The following EXD3 variants were observed in gnomAD, a reference collection of about 807,000 sequenced individuals.
EXD3 encodes the protein exonuclease mut-7 homolog.
Under a neutral mutation model 98.0 loss-of-function variants are expected in EXD3, and 92 were observed. The observed-to-expected ratio is 0.94, with a 90% CI of 0.79 to 1.12. EXD3 has a LOEUF of 1.12. Ranked by LOEUF, EXD3 falls within the 50% of genes most tolerant of loss-of-function variation. The pLI, the probability that EXD3 is intolerant of heterozygous loss-of-function variation, is 0.00. For synonymous variants in EXD3, 569 were observed against 526.0 expected (o/e 1.08, Z -1.12); for missense variants, 1,222 against 1,191.6 (o/e 1.03, Z -0.38).
At chr9:137,387,010 T>C (rs1836632242) in intron 2 of EXD3, among the ~76,000 whole-genome samples, 2 of 137,078 alleles carry the variant, frequency 1.5e-5, no homozygotes, top group South Asian at 5.0e-4. Context: ...GCTCCCTGCC[T>C]GGCCCCCTCA....
chr9:137,330,534 TACAGGAGCTAC>T (rs1351727685), intron 17 of EXD3, among the ~76,000 whole-genome samples: 100 of 89,892 alleles, frequency 1.1e-3, no homozygotes, highest in South Asian at 7.5e-3. Context: ...ACAGGAGCTA[TACAGGAGCTAC>T]ACAGGAGCTA....
intron 1 of EXD3, among the ~76,000 whole-genome samples, chr9:137,396,179 G>T (rs1837209385): frequency 6.6e-6 from 1 of 151,992 alleles, no homozygotes. Flanking sequence ...TGTTGGTCAG[G>T]CTGGTATCGA....
chr9:137,419,021 T>C (rs1485490914), intron 1 of EXD3, among the ~76,000 whole-genome samples: 2 of 152,106 alleles, frequency 1.3e-5, no homozygotes, highest in Non-Finnish European at 2.9e-5. Context: ...ACATTAAGGG[T>C]TTTTTTCACC....
chr9:137,417,103 G>A (rs1342729071), intron 1 of EXD3, among the ~76,000 whole-genome samples: 1 of 152,218 alleles, frequency 6.6e-6, no homozygotes, highest in African/African-American at 2.4e-5. Context: ...CCGAGCTCCC[G>A]GGCAAAGCCG....
intron 1 of EXD3, among the ~76,000 whole-genome samples, chr9:137,410,722 G>A (rs988670998): frequency 3.3e-5 from 5 of 152,138 alleles, no homozygotes; most frequent in South Asian, 2.1e-4. Flanking sequence ...CCCTGGGGGC[G>A]GCCTGGCATG....
chr9:137,328,597 C>T lies in EXD3; in HGVS notation c.1999-4454G>A, dbSNP rs149920656. 8.4e-4 allele frequency among the ~76,000 whole-genome samples: 45 copies of T among 53,278 alleles called. 1 individual carries two copies. The highest frequency in any genetic ancestry group is 1.2e-3 in the Non-Finnish European group (33 of 27,214). 35.0% of individuals were successfully genotyped at this position (53,278 alleles called of 152,430 possible). A position where few individuals can be genotyped will look rare whatever the true frequency, so the allele number is the denominator to read the frequency against. On this transcript the variant is annotated intron_variant, in intron 17 of 21. Coordinates refer to ENST00000340951, the MANE Select transcript of EXD3 (RefSeq NM_017820.5). ...TACACAGGAGCTACACGGGACTACACGGGACTACACGGGGCTACACGGGAC... is the reference window on the plus strand; with the variant it reads ...TACACAGGAGCTACACGGGACTACATGGGACTACACGGGGCTACACGGGAC...
intron 2 of EXD3, among the ~76,000 whole-genome samples, chr9:137,387,557 C>T (rs749666160): frequency 3.9e-5 from 6 of 152,324 alleles, no homozygotes; most frequent in Admixed American, 6.5e-5. Context: ...AGAAGACAAG[C>T]GAGCTCTGTG....
chr9:137,327,587 A>G lies in EXD3; in HGVS notation c.1999-3444T>C, dbSNP rs181230775. 5.5e-4 allele frequency among the ~76,000 whole-genome samples: 83 copies of G among 152,222 alleles called. 1 individual carries two copies. Among genetic ancestry groups the G allele is most frequent in the Admixed American group, 1.2e-3 (19 of 15,292 alleles). ...TGTATGTTTTACCACAAAAAGAAAG[A>G]AAAAAAGGGAAACAGAAAGTAGTTA... On this transcript the variant is annotated intron_variant, in intron 17 of 21. Coordinates refer to ENST00000340951, the MANE Select transcript of EXD3 (RefSeq NM_017820.5).
chr9:137,340,613 G>A (rs1207605009), intron 17 of EXD3, among the ~76,000 whole-genome samples: 1 of 151,614 alleles, frequency 6.6e-6, no homozygotes, highest in African/African-American at 2.4e-5. Flanking sequence ...GTGTAGCCTC[G>A]ACCTCATGGG....
intron 19 of EXD3, among the ~76,000 whole-genome samples, chr9:137,317,060 G>A (rs2096418256): frequency 1.3e-5 from 2 of 152,130 alleles, no homozygotes; most frequent in South Asian, 4.1e-4. Context: ...GGCGGCCCAG[G>A]TCATTCTCTG....
rs545392937 is a variant in EXD3 at position 137,377,553 on chromosome 9, C to T, written c.121-3954G>A. The stretch of plus-strand genomic sequence containing the variant: ...CTTTGGGAGGCCAAGGTGGGAGGAT[C>T]GCTTGAGGTCAGAAGTTTAAGACCA... On this transcript the variant is annotated intron_variant, in intron 3 of 21. Transcript: ENST00000340951. Among the ~76,000 whole-genome samples, 19 of 151,568 alleles carry T rather than the reference C, an allele frequency of 1.3e-4. No homozygotes were observed. The South Asian group carries it at 2.3e-3, about 18-fold the overall frequency.
chr9:137,358,631 T>C (rs575151183), intron 7 of EXD3, among the ~76,000 whole-genome samples: 1 of 152,302 alleles, frequency 6.6e-6, no homozygotes, highest in East Asian at 1.9e-4. Flanking sequence ...AAAGAGGCAA[T>C]AGATGCTTGT....
At chr9:137,327,283 T>C (rs113449371) in intron 17 of EXD3, among the ~76,000 whole-genome samples, 1 of 151,932 alleles carries the variant, frequency 6.6e-6, no homozygotes, top group Non-Finnish European at 1.5e-5. Flanking sequence ...ATAGGCGCCC[T>C]CCACCACGGC....
rs75538494 is a variant in EXD3, at chr9:137,408,781, T to A, written c.-47-13377A>T. On this transcript the variant is annotated intron_variant, in intron 1 of 21. Transcript: ENST00000340951. ...AGGTGGAGCCTCGAGCCAATCGGAA[T>A]GGACAGACCCACCCTGTACAGGGAA... Among the ~76,000 whole-genome samples the A allele has an allele frequency of 1.5e-3, 231 of 152,238 alleles. 3 individuals are homozygous for A. Among genetic ancestry groups the A allele is most frequent in the African/African-American group, 5.1e-3 (213 of 41,542 alleles).
At chr9:137,380,337 C>A (rs1398919395) in intron 3 of EXD3, among the ~76,000 whole-genome samples, 1 of 112,142 alleles carries the variant, frequency 8.9e-6, no homozygotes. Context: ...GCCAGTATCC[C>A]CCCCCACCCC....
chr9:137,310,604 C>G (rs1042254291), intron 19 of EXD3, among the ~76,000 whole-genome samples: 11 of 152,280 alleles, frequency 7.2e-5, no homozygotes, highest in African/African-American at 2.4e-4. Context: ...GGCCGGGAGG[C>G]TAGGACCAGC....
intron 17 of EXD3, among the ~76,000 whole-genome samples, chr9:137,346,501 G>A (rs964030323): frequency 1.4e-4 from 6 of 42,624 alleles, no homozygotes; most frequent in African/African-American, 4.3e-4. Context: ...GAACCATCTC[G>A]GCTCCATCTG....
chr9:137,419,507 T>TA (rs965312689), intron 1 of EXD3, among the ~76,000 whole-genome samples: 28 of 151,964 alleles, frequency 1.8e-4, no homozygotes, highest in Middle Eastern at 3.4e-3. Context: ...CCGTTTCTAC[T>TA]AAAAATACAA....
At position 137,349,323 on chromosome 9, in the gene EXD3, G is replaced by T; in HGVS notation, c.1658-41C>A. ...GCCTCAGCCTCCCGGGACAGAGGGC[G>T]GGAGGGGCGTGAGGAGGGGTCACTC... On this transcript the variant is annotated intron_variant, in intron 15 of 21. Transcript: ENST00000340951. The surrounding 1 kb of genome is among the most constrained non-coding windows in gnomAD (Gnocchi z 7.4). 2 of 1,553,490 alleles carry T rather than the reference G, an allele frequency of 1.3e-6. No homozygotes were observed. The highest frequency in any genetic ancestry group is 1.7e-6 in the Non-Finnish European group (2 of 1,154,852).
Sources: gnomAD v4.1 joint callset for allele counts (sites outside exome capture counted in the v4.1 genomes callset) on GRCh38, gnomAD v4.1.1 for gene constraint, Gnocchi (gnomAD v3.1) non-coding constraint, MANE v1.5 for transcripts, NCBI Gene and HGNC (gene_info 2026-07-23, HGNC 2026-07-21) for gene names.